FAM78B: variants seen among roughly 807,000 people sequenced by gnomAD.
FAM78B encodes family with sequence similarity 78 member B.
A neutral mutation model predicts 20.0 loss-of-function variants in FAM78B; 10 were observed. The observed-to-expected ratio is 0.50, with a 90% CI of 0.31 to 0.85. The LOEUF is 0.85. Ranked by LOEUF, FAM78B falls within the 40% of genes least tolerant of loss-of-function variation. FAM78B has a pLI of 0.05. For synonymous variants in FAM78B, 135 were observed against 132.8 expected (o/e 1.02, Z -0.12); for missense variants, 283 against 345.0 (o/e 0.82, Z 1.42).
intron 1 of FAM78B, among the ~76,000 whole-genome samples, chr1:166,156,472 G>A (rs1421463193): frequency 1.3e-5 from 2 of 152,128 alleles, no homozygotes; most frequent in African/African-American, 2.4e-5. Context: ...AGAGGAGGTG[G>A]GATGCCTGAG....
intron 2 of FAM78B, chr1:166,060,762 A>C: frequency 1.5e-6 from 1 of 679,414 alleles, no homozygotes; most frequent in South Asian, 2.0e-5. Flanking sequence ...TCTGGGCTCC[A>C]TTAATAGATT....
At chr1:166,118,963 G>T (rs1571179490) in intron 1 of FAM78B, among the ~76,000 whole-genome samples, 1 of 152,272 alleles carries the variant, frequency 6.6e-6, no homozygotes, top group Non-Finnish European at 1.5e-5. Flanking sequence ...CAGAGGTGAA[G>T]TGACTGGCCC....
intron 1 of FAM78B, among the ~76,000 whole-genome samples, chr1:166,076,376 A>C (rs1018122136): frequency 6.6e-6 from 1 of 152,012 alleles, no homozygotes; most frequent in Non-Finnish European, 1.5e-5. Context: ...CTTTGCACTT[A>C]CCGTTCATTT....
chr1:166,089,092 T>C (rs1652957712), intron 1 of FAM78B, among the ~76,000 whole-genome samples: 3 of 152,174 alleles, frequency 2.0e-5, no homozygotes, highest in South Asian at 4.1e-4. Flanking sequence ...CACTGCTCCC[T>C]TGGGCAACTG....
intron 1 of FAM78B, among the ~76,000 whole-genome samples, chr1:166,140,454 T>C (rs1187351423): frequency 1.1e-4 from 17 of 152,226 alleles, no homozygotes; most frequent in Admixed American, 1.1e-3. Context: ...ATTACAGGGC[T>C]TCGGGCCTTC....
chr1:166,056,133 T>G (rs1183788732), downstream of FAM78B, among the ~76,000 whole-genome samples: 1 of 152,182 alleles, frequency 6.6e-6, no homozygotes, highest in African/African-American at 2.4e-5. Context: ...TATGTATATT[T>G]AAAAATACTC....
rs1471327983 is a variant in FAM78B at position 166,105,794 on chromosome 1, G to A, written c.264-35031C>T. 4.0e-5 allele frequency among the ~76,000 whole-genome samples: 6 copies of A among 151,872 alleles called. No homozygotes were observed. In the East Asian group the frequency reaches 7.8e-4, roughly 20 times the overall value. ...TAGTTCAACCATTGTGGAAGTCAGTGTGGCGATTCCTCAGGGATCTAGAAC... is the reference window on the plus strand; with the variant it reads ...TAGTTCAACCATTGTGGAAGTCAGTATGGCGATTCCTCAGGGATCTAGAAC... On this transcript the variant is annotated intron_variant, in intron 1 of 1. Coordinates refer to ENST00000354422, the MANE Select transcript of FAM78B (RefSeq NM_001017961.5).
intron 1 of FAM78B, among the ~76,000 whole-genome samples, chr1:166,109,890 G>GTATATATGTATGTATATA: frequency 4.3e-5 from 1 of 23,198 alleles, no homozygotes; most frequent in South Asian, 1.8e-3. Context: ...ATGTATATAT[G>GTATATATGTATGTATATA]TATATATATA....
intron 1 of FAM78B, among the ~76,000 whole-genome samples, chr1:166,160,082 A>T (rs1004523280): frequency 6.6e-6 from 1 of 150,980 alleles, no homozygotes; most frequent in African/African-American, 2.4e-5. Context: ...TGGCGGGGGG[A>T]GAATGGGTAT....
chr1:166,161,890 C>T (rs539204903), intron 1 of FAM78B, among the ~76,000 whole-genome samples: 5 of 152,156 alleles, frequency 3.3e-5, no homozygotes, highest in East Asian at 3.9e-4. Context: ...CATCATTGTG[C>T]GAAGACACAC....
intron 1 of FAM78B, among the ~76,000 whole-genome samples, chr1:166,077,137 GC>G (rs1221748826): frequency 6.6e-6 from 1 of 152,156 alleles, no homozygotes; most frequent in Non-Finnish European, 1.5e-5. Flanking sequence ...GCTGGTGGAA[GC>G]CATTCTGCAA....
At chr1:166,091,805 C>T (rs1029922728) in intron 1 of FAM78B, among the ~76,000 whole-genome samples, 1 of 152,286 alleles carries the variant, frequency 6.6e-6, no homozygotes, top group Non-Finnish European at 1.5e-5. Context: ...CACAATAATG[C>T]TATGAAATAG....
intron 1 of FAM78B, among the ~76,000 whole-genome samples, chr1:166,082,085 G>A (rs962976398): frequency 6.6e-6 from 1 of 152,188 alleles, no homozygotes; most frequent in Non-Finnish European, 1.5e-5. Context: ...TGCAAGCCAC[G>A]AATATGGTTT....
intron 1 of FAM78B, among the ~76,000 whole-genome samples, chr1:166,117,195 A>G (rs939640679): frequency 6.6e-6 from 1 of 152,004 alleles, no homozygotes; most frequent in Non-Finnish European, 1.5e-5. Flanking sequence ...CCCTGAGTAG[A>G]ATTCTGGTTG....
In FAM78B at chr1:166,070,475, G is replaced by A. The variant is rs899565085; in HGVS notation, c.552C>T (p.Ile184=). The A allele has an allele frequency of 2.5e-6, 4 of 1,614,218 alleles. No homozygotes were observed. The highest frequency in any genetic ancestry group is 3.3e-4 in the Middle Eastern group (2 of 6,062). The change falls in exon 2 of 2, where the codon ATC becomes ATT. Residue 184 remains isoleucine, a synonymous_variant. Transcript: ENST00000354422. ...VAMNTTTKEK[I]ILQTIKWRMR... is the part of the protein sequence containing the mutation. ...TCCTCCACTTGATGGTCTGCAGAATGATCTTCTCCTTTGTGGTGGTGTTCA... is the reference window on the plus strand; with the variant it reads ...TCCTCCACTTGATGGTCTGCAGAATAATCTTCTCCTTTGTGGTGGTGTTCA...
chr1:166,132,177 A>G (rs900055798), intron 1 of FAM78B, among the ~76,000 whole-genome samples: 2 of 152,230 alleles, frequency 1.3e-5, no homozygotes, highest in African/African-American at 2.4e-5. Context: ...GTGATGTCCT[A>G]TCATTACTAT....
chr1:166,110,462 T>C (rs1448088332), intron 1 of FAM78B, among the ~76,000 whole-genome samples: 4 of 152,132 alleles, frequency 2.6e-5, no homozygotes, highest in Admixed American at 6.6e-5. Context: ...ATTATTGTTC[T>C]TTTTCCCTGT....
chr1:166,083,852 A>G (rs1375194025), intron 1 of FAM78B, among the ~76,000 whole-genome samples: 1 of 140,542 alleles, frequency 7.1e-6, no homozygotes, highest in Non-Finnish European at 1.5e-5. Context: ...ACTAATCTAT[A>G]TCATGCCTGC....
At chr1:166,129,016 G>T (rs1403942626) in intron 1 of FAM78B, among the ~76,000 whole-genome samples, 1 of 152,178 alleles carries the variant, frequency 6.6e-6, no homozygotes, top group East Asian at 1.9e-4. Context: ...GTCACCTGCT[G>T]GGGGGCCAAG....
Sources: gnomAD v4.1 joint callset for allele counts (sites outside exome capture counted in the v4.1 genomes callset) on GRCh38, gnomAD v4.1.1 for gene constraint, MANE v1.5 for transcripts, NCBI Gene and HGNC (gene_info 2026-07-23, HGNC 2026-07-21) for gene names.